BRWD3: variants seen among roughly 807,000 people sequenced by gnomAD.
BRWD3 encodes the protein bromodomain and WD repeat-containing protein 3.
In BRWD3, 10 loss-of-function variants were observed where a neutral mutation model predicts 149.7. The ratio of observed to expected loss-of-function variants is 0.07; its 90% CI spans 0.04 to 0.11. The LOEUF is 0.11. Ranked by LOEUF, BRWD3 falls within the 10% of genes least tolerant of loss-of-function variation. The pLI, the probability that BRWD3 is intolerant of heterozygous loss-of-function variation, is 1.00. For missense variants in BRWD3, 940 were observed against 1,373.2 expected (o/e 0.68, Z 4.99); for synonymous variants, 504 against 456.7 (o/e 1.10, Z -1.32).
rs755691667 is a variant in BRWD3 at position 80,809,047 on chromosome X, G to C, written c.91-5C>G. On this transcript the variant is annotated splice_polypyrimidine_tract_variant and splice_region_variant and intron_variant, in intron 2 of 40. Coordinates refer to ENST00000373275, the MANE Select transcript of BRWD3 (RefSeq NM_153252.5). ...CTCGAGCTCCTGCACTAGCACCTGA[G>C]CAAAAGGGAAACACAGATATGAGGA... 8.4e-7 allele frequency: 1 copy of C among 1,189,911 alleles called. No individual in the cohort carries two copies. The highest frequency in any genetic ancestry group is 1.1e-6 in the Non-Finnish European group (1 of 883,960).
In BRWD3 at chrX:80,728,881, G is replaced by A. The variant is rs1347872381; in HGVS notation, c.1257C>T (p.Asp419=). The A allele has an allele frequency of 8.3e-7, 1 of 1,207,840 alleles. No homozygotes were observed. Among genetic ancestry groups the A allele is most frequent in the Non-Finnish European group, 1.1e-6 (1 of 893,454 alleles). The change falls in exon 14 of 41, where the codon GAC becomes GAT. Residue 419 remains aspartate (D), a synonymous_variant. Coordinates refer to ENST00000373275, the MANE Select transcript of BRWD3 (RefSeq NM_153252.5). ...MTGNNLPSGE[D]KITKLKVTMV... is the part of the protein sequence containing the mutation. The stretch of plus-strand genomic sequence containing the variant: ...TAGTCACCTTAAGTTTAGTGATCTT[G>A]TCTTCTCCAGATGGCAAATTATTGC...
chrX:80,693,023 G>A lies in BRWD3; in HGVS notation c.3180C>T (p.Asp1060=), dbSNP rs761968300. 13 of 1,207,134 alleles carry A rather than the reference G, an allele frequency of 1.1e-5. 1 individual carries two copies. The South Asian group carries it at 1.6e-4, about 15-fold the overall frequency. ...IGDRFRSIID[D]AWWFGTVESQ... ...TCTCCACAGTCCCAAACCACCAGGC[G>A]TCATCTATTATACTGCGGAATCTAT... Residue 1060 remains aspartate, a synonymous_variant, in exon 28 of 41, where the codon GAC becomes GAT. Transcript: ENST00000373275.
rs923829575 is a variant in BRWD3 at position 80,670,901 on chromosome X, G to C, written c.*5708C>G. The C allele has an allele frequency of 8.1e-5, 9 of 110,435 alleles. No homozygotes were observed. Among genetic ancestry groups the C allele is most frequent in the Non-Finnish European group, 1.3e-4 (7 of 52,888 alleles). 9.1% of individuals were successfully genotyped at this position (110,435 alleles called of 1,213,427 possible). A position where few individuals can be genotyped will look rare whatever the true frequency, so the allele number is the denominator to read the frequency against. ...TTATTCTAAATACACAAAATACACA[G>C]TATATATATATCAAAGATACAGTCC... is the stretch of plus-strand genomic sequence containing the variant. On this transcript the variant is annotated 3_prime_UTR_variant, in exon 41 of 41. Coordinates refer to ENST00000373275, the MANE Select transcript of BRWD3 (RefSeq NM_153252.5).
chrX:80,769,561 T>C lies in BRWD3; in HGVS notation c.430+22293A>G, dbSNP rs186623465. The stretch of plus-strand genomic sequence containing the variant: ...GAAACCAATGAGAACAAAGATACAA[T>C]GTACCAGAATCTCTGGGACACATTT... On this transcript the variant is annotated intron_variant, in intron 6 of 40. Transcript: ENST00000373275. 4.5e-4 allele frequency among the ~76,000 whole-genome samples: 50 copies of C among 111,343 alleles called. 1 individual carries two copies. The East Asian group carries it at 6.5e-3, about 15-fold the overall frequency.
intron 4 of BRWD3, among the ~76,000 whole-genome samples, chrX:80,805,531 G>A (rs2074340827): frequency 1.8e-5 from 2 of 111,163 alleles, no homozygotes; most frequent in South Asian, 3.7e-4. Flanking sequence ...TAATATTCCA[G>A]GTAAATCAAG....
chrX:80,713,170 A>AG (rs1434318936), intron 20 of BRWD3, among the ~76,000 whole-genome samples: 7 of 108,936 alleles, frequency 6.4e-5, no homozygotes, highest in Non-Finnish European at 9.6e-5. Flanking sequence ...CTGCCCGGCC[A>AG]CCACCCCGTC....
At chrX:80,792,993 C>T (rs1240467890) in intron 5 of BRWD3, among the ~76,000 whole-genome samples, 1 of 108,112 alleles carries the variant, frequency 9.2e-6, no homozygotes, top group Non-Finnish European at 1.9e-5. Flanking sequence ...GAAACCCTGT[C>T]TGTACTAAAA....
intron 8 of BRWD3, among the ~76,000 whole-genome samples, chrX:80,742,182 G>A (rs1158756928): frequency 7.2e-5 from 8 of 111,087 alleles, no homozygotes; most frequent in African/African-American, 2.6e-4. Context: ...TTTCCCCATT[G>A]CTTGTTTTTC....
At position 80,677,152 on chromosome X, in the gene BRWD3, G is replaced by C; in HGVS notation, c.4866C>G (p.Asp1622Glu). Residue 1622 changes from aspartate to glutamate, a missense_variant, in exon 41 of 41, where the codon GAC (aspartate) becomes GAG (glutamate). Transcript: ENST00000373275. Reference protein sequence around the residue: ...SLSSESTCGSDSDSESTSRTD... With the variant: ...SLSSESTCGSESDSESTSRTD... ...TTCTGGAAGTTGATTCAGAGTCAGA[G>C]TCAGAACCACAGGTACTTTCAGAAC... 2 of 1,211,705 alleles carry C rather than the reference G, an allele frequency of 1.7e-6. No individual in the cohort carries two copies. The highest frequency in any genetic ancestry group is 2.2e-6 in the Non-Finnish European group (2 of 895,388).
chrX:80,719,134 T>G (rs1458548364), intron 18 of BRWD3, among the ~76,000 whole-genome samples: 1 of 110,684 alleles, frequency 9.0e-6, no homozygotes, highest in Non-Finnish European at 1.9e-5. Context: ...GGTAGTAATT[T>G]CTAAACTTAA....
chrX:80,680,536 T>C (rs907398412), intron 40 of BRWD3, among the ~76,000 whole-genome samples: 15 of 111,637 alleles, frequency 1.3e-4, no homozygotes, highest in African/African-American at 4.2e-4. Context: ...CTTTGTGATA[T>C]AGCAGGCCCC....
intron 17 of BRWD3, among the ~76,000 whole-genome samples, chrX:80,722,305 T>C (rs1229491852): frequency 8.9e-6 from 1 of 111,996 alleles, no homozygotes; most frequent in Non-Finnish European, 1.9e-5. Context: ...ATATATAAGG[T>C]TTTCTAAAGA....
intron 7 of BRWD3, among the ~76,000 whole-genome samples, chrX:80,745,274 C>G (rs1043624208): frequency 1.8e-5 from 2 of 111,481 alleles, no homozygotes; most frequent in Non-Finnish European, 3.8e-5. Flanking sequence ...TTTGTTAAAA[C>G]TGAATGAAAT....
chrX:80,736,587 G>A (rs1198438966), intron 8 of BRWD3, among the ~76,000 whole-genome samples: 1 of 111,639 alleles, frequency 9.0e-6, no homozygotes, highest in Non-Finnish European at 1.9e-5. Flanking sequence ...TTCAATTGAA[G>A]TATATAATTT....
chrX:80,742,502 C>T (rs1249819894), intron 8 of BRWD3, among the ~76,000 whole-genome samples: 1 of 109,111 alleles, frequency 9.2e-6, no homozygotes. Context: ...TGGCCATTTT[C>T]ACGATACTGA....
chrX:80,791,996 T>C (rs1271082593), intron 5 of BRWD3, 44 bp from the exon 6 acceptor site: 2 of 855,481 alleles, frequency 2.3e-6, no homozygotes, highest in African/African-American at 4.0e-5. Context: ...GAGCAGTTTT[T>C]TTTTTAACCA....
chrX:80,673,079 T>A lies in BRWD3; in HGVS notation c.*3530A>T, dbSNP rs1435301363. ...ACTCTATTATTGTCTGATGACAATC[T>A]ATGGGATTAAAACAAAAACAACAAA... On this transcript the variant is annotated 3_prime_UTR_variant, in exon 41 of 41. Coordinates refer to ENST00000373275, the MANE Select transcript of BRWD3 (RefSeq NM_153252.5). 1.8e-5 allele frequency: 2 copies of A among 112,063 alleles called. No homozygotes were observed. The highest frequency in any genetic ancestry group is 6.5e-5 in the African/African-American group (2 of 30,877). The allele number at this position is 112,063 out of a possible 1,213,427, so 9.2% of individuals were successfully genotyped here.
At chrX:80,702,800 G>A (rs764307057) in intron 24 of BRWD3, among the ~76,000 whole-genome samples, 1 of 111,512 alleles carries the variant, frequency 9.0e-6, no homozygotes, top group Non-Finnish European at 1.9e-5. Context: ...TTCTGCTGTT[G>A]CAATGACAAT....
At chrX:80,770,704 C>T (rs1412142715) in intron 6 of BRWD3, among the ~76,000 whole-genome samples, 1 of 111,934 alleles carries the variant, frequency 8.9e-6, no homozygotes, top group African/African-American at 3.3e-5. Context: ...GACAGGGATG[C>T]CCTCTCTCAC....
Sources: gnomAD v4.1 joint callset for allele counts (sites outside exome capture counted in the v4.1 genomes callset) on GRCh38, gnomAD v4.1.1 for gene constraint, MANE v1.5 for transcripts, NCBI Gene and HGNC (gene_info 2026-07-23, HGNC 2026-07-21) for gene names.